Variants in PRKX observed in about 807,000 individuals in gnomAD.
PRKX encodes the protein cAMP-dependent protein kinase catalytic subunit PRKX.
A neutral mutation model predicts 22.0 loss-of-function variants in PRKX; 12 were observed. The observed-to-expected ratio is 0.54, with a 90% CI of 0.35 to 0.88. The LOEUF is 0.88. Ranked by LOEUF, PRKX falls within the 40% of genes least tolerant of loss-of-function variation. PRKX has a pLI of 0.01. For missense variants in PRKX, 217 were observed against 308.0 expected (o/e 0.70, Z 2.21); for synonymous variants, 134 against 137.7 (o/e 0.97, Z 0.19).
intron 3 of PRKX, among the ~76,000 whole-genome samples, chrX:3,648,568 G>C (rs1318388081): frequency 9.5e-6 from 1 of 105,803 alleles, no homozygotes; most frequent in African/African-American, 3.5e-5. Context: ...CTGGGTGATG[G>C]GGCCATAAGG....
At chrX:3,702,297 T>C (rs1928594330) in intron 1 of PRKX, among the ~76,000 whole-genome samples, 1 of 112,844 alleles carries the variant, frequency 8.9e-6, no homozygotes, top group Non-Finnish European at 1.9e-5. Context: ...GTGCCAAGGT[T>C]TCTCTGGCCA....
chrX:3,627,693 G>A (rs1339872092), intron 4 of PRKX, among the ~76,000 whole-genome samples: 1 of 110,013 alleles, frequency 9.1e-6, no homozygotes, highest in Admixed American at 9.8e-5. Flanking sequence ...TGAAGTCCTG[G>A]GCTCAAGTGA....
rs1926404933 is a variant in PRKX, at chrX:3,615,679, C to T, written c.951+136G>A. 5 of 550,085 alleles carry T rather than the reference C, an allele frequency of 9.1e-6. No individual in the cohort carries two copies. In the East Asian group the frequency reaches 1.1e-4, roughly 12 times the overall value. 45.3% of individuals were successfully genotyped at this position (550,085 alleles called of 1,213,427 possible). ...AAGAGTGGGGAACTTGGCTTATGAA[C>T]AGTTTTAGACAAATAGTTGTATTAT... On this transcript the variant is annotated intron_variant, in intron 7 of 8. Coordinates refer to ENST00000262848, the MANE Select transcript of PRKX (RefSeq NM_005044.5).
At chrX:3,692,586 G>GGC (rs1324284936) in intron 1 of PRKX, among the ~76,000 whole-genome samples, 2 of 102,923 alleles carry the variant, frequency 1.9e-5, no homozygotes, top group Admixed American at 1.1e-4. Flanking sequence ...GGAGTGCAGT[G>GGC]GCGCGATCTC....
intron 6 of PRKX, among the ~76,000 whole-genome samples, chrX:3,617,223 A>G (rs1328643537): frequency 9.5e-6 from 1 of 105,689 alleles, no homozygotes; most frequent in African/African-American, 3.4e-5. Flanking sequence ...TAATATATAC[A>G]CATGTATTAT....
intron 7 of PRKX, among the ~76,000 whole-genome samples, chrX:3,615,299 G>A (rs865966346): frequency 4.5e-5 from 5 of 111,512 alleles, no homozygotes; most frequent in South Asian, 7.5e-4. Flanking sequence ...AATTATAGGC[G>A]TGAGCCACAG....
intron 5 of PRKX, among the ~76,000 whole-genome samples, chrX:3,623,832 C>T (rs1197040507): frequency 5.4e-5 from 6 of 111,464 alleles, no homozygotes; most frequent in Non-Finnish European, 9.4e-5. Flanking sequence ...TAAAAAACAC[C>T]GGCAGATAAT....
chrX:3,705,844 C>T (rs1603474935), intron 1 of PRKX, among the ~76,000 whole-genome samples: 1 of 106,613 alleles, frequency 9.4e-6, no homozygotes, highest in South Asian at 4.2e-4. Context: ...CCCGCCACCA[C>T]ACCCGGCTAA....
rs1251036043 is a variant in PRKX at position 3,650,712 on chromosome X, C to A, written c.599+4437G>T. 2.8e-5 allele frequency among the ~76,000 whole-genome samples: 3 copies of A among 106,232 alleles called. No individual in the cohort carries two copies. In the East Asian group the frequency reaches 8.8e-4, roughly 31 times the overall value. 92.2% of individuals were successfully genotyped at this position (106,232 alleles called of 115,157 possible). On this transcript the variant is annotated intron_variant, in intron 3 of 8. Transcript: ENST00000262848. ...TAGGCAACATGGTGAAACCAGGTCT[C>A]TACTAAAAATACAAAAATTAGCCAG...
intron 1 of PRKX, among the ~76,000 whole-genome samples, chrX:3,711,594 A>T (rs781037360): frequency 8.9e-6 from 1 of 112,046 alleles, no homozygotes; most frequent in Admixed American, 9.5e-5. Flanking sequence ...GCTGGACCTC[A>T]TCAATTTTCC....
At chrX:3,647,308 G>A (rs1342783418) in intron 3 of PRKX, among the ~76,000 whole-genome samples, 2 of 105,472 alleles carry the variant, frequency 1.9e-5, no homozygotes, top group East Asian at 5.8e-4. Context: ...TAATTTATGA[G>A]CACATATAAT....
chrX:3,693,863 C>T (rs1216112780), intron 1 of PRKX, among the ~76,000 whole-genome samples: 12 of 103,402 alleles, frequency 1.2e-4, no homozygotes, highest in Non-Finnish European at 2.0e-4. Context: ...TGGCGTGAAC[C>T]CGGGAGGTGG....
intron 1 of PRKX, among the ~76,000 whole-genome samples, chrX:3,712,565 C>A (rs1374029731): frequency 1.8e-5 from 2 of 112,517 alleles, no homozygotes; most frequent in East Asian, 5.6e-4. Context: ...CCGTCCTCGT[C>A]CCCACAGCGC....
rs192348009 is a variant in PRKX at position 3,623,423 on chromosome X, G to A, written c.816-2107C>T. On this transcript the variant is annotated intron_variant, in intron 5 of 8. Transcript: ENST00000262848. Reference sequence around the variant, plus strand: ...ATCAAAACATTGGCCAGGCATGGTGGTGCATGCCTGTAGCACCAGTTACTC... The same window carrying A: ...ATCAAAACATTGGCCAGGCATGGTGATGCATGCCTGTAGCACCAGTTACTC... Among the ~76,000 whole-genome samples the A allele has an allele frequency of 1.8e-3, 195 of 110,279 alleles. 1 individual carries two copies. The highest frequency in any genetic ancestry group is 6.3e-3 in the African/African-American group (192 of 30,279).
At chrX:3,669,644 A>C (rs1178089455) in intron 2 of PRKX, among the ~76,000 whole-genome samples, 1 of 111,933 alleles carries the variant, frequency 8.9e-6, no homozygotes, top group Admixed American at 9.5e-5. Flanking sequence ...ATCGGTCATT[A>C]ATCTATCAAT....
chrX:3,613,450 A>T (rs752166898), intron 7 of PRKX, among the ~76,000 whole-genome samples: 8 of 110,390 alleles, frequency 7.2e-5, no homozygotes, highest in Non-Finnish European at 1.3e-4. Flanking sequence ...TTTAATATTG[A>T]CTTGGTTTTT....
chrX:3,649,469 C>T (rs1603473933), intron 3 of PRKX, among the ~76,000 whole-genome samples: 1 of 96,028 alleles, frequency 1.0e-5, no homozygotes, highest in African/African-American at 3.9e-5. Context: ...GCCTGGTGAA[C>T]GCAAGTCACA....
chrX:3,688,820 G>T (rs1928236290), intron 1 of PRKX, among the ~76,000 whole-genome samples: 1 of 107,715 alleles, frequency 9.3e-6, no homozygotes. Flanking sequence ...AGTGAATTAT[G>T]ATAGTACCAC....
At chrX:3,687,767 A>G (rs200209256) in intron 1 of PRKX, among the ~76,000 whole-genome samples, 1 of 85,694 alleles carries the variant, frequency 1.2e-5, no homozygotes, top group South Asian at 6.0e-4. Flanking sequence ...AATGCAGGAG[A>G]AAAAAAACCC....
Sources: allele counts gnomAD v4.1 joint callset (sites outside exome capture counted in the v4.1 genomes callset), GRCh38; gene constraint gnomAD v4.1.1; transcripts MANE v1.5; gene names NCBI Gene and HGNC (gene_info 2026-07-23, HGNC 2026-07-21).